ARHGAP15: variants seen among roughly 807,000 people sequenced by gnomAD.
The protein encoded by ARHGAP15 is Rho GTPase activating protein 15.
ARHGAP15 carries 51 observed loss-of-function variants against 63.7 expected under a neutral mutation model. The ratio of observed to expected loss-of-function variants is 0.80; its 90% CI spans 0.64 to 1.01. The LOEUF is 1.01. ARHGAP15 is among the 50% of genes least tolerant of loss of function. ARHGAP15 has a pLI of 0.00. For synonymous variants in ARHGAP15, 191 were observed against 193.8 expected, an observed-to-expected ratio of 0.99 and a Z score of 0.12; for missense variants, 560 against 564.6, an observed-to-expected ratio of 0.99 and a Z score of 0.08.
intron 6 of ARHGAP15, among the ~76,000 whole-genome samples, chr2:143,428,740 A>G (rs1297761213): frequency 1.3e-5 from 2 of 152,166 alleles, no homozygotes; most frequent in Non-Finnish European, 2.9e-5. Flanking sequence ...ATTTGAATTT[A>G]TTAAAACTTT....
intron 6 of ARHGAP15, among the ~76,000 whole-genome samples, chr2:143,415,060 A>C (rs1347452894): frequency 2.0e-5 from 3 of 152,354 alleles, no homozygotes; most frequent in Admixed American, 2.0e-4. Context: ...AGGATTTCAA[A>C]ATACAATATT....
At chr2:143,222,357 C>G (rs13027764) in intron 4 of ARHGAP15, among the ~76,000 whole-genome samples, 22,170 of 152,118 alleles carry the variant, frequency 0.15, 1,695 homozygotes, top group Middle Eastern at 0.24. Context: ...AATAAGAGAA[C>G]CTGAAATTTG....
rs1290920311 is a variant in ARHGAP15, at chr2:143,703,115, G to T, written c.1139-304G>T. On this transcript the variant is annotated intron_variant, in intron 12 of 13. Transcript: ENST00000295095. Reference sequence around the variant, plus strand: ...CACATTGTTGTTGCTTTCATGTTAAGATTATCTCACAGTACAGCCATTCTA... The same window carrying T: ...CACATTGTTGTTGCTTTCATGTTAATATTATCTCACAGTACAGCCATTCTA... Among the ~76,000 whole-genome samples the T allele has an allele frequency of 2.0e-5, 3 of 152,168 alleles. No homozygotes were observed. Among genetic ancestry groups the T allele is most frequent in the Non-Finnish European group, 4.4e-5 (3 of 68,026 alleles).
At chr2:143,157,429 T>C (rs546521180) in intron 2 of ARHGAP15, among the ~76,000 whole-genome samples, 1 of 151,938 alleles carries the variant, frequency 6.6e-6, no homozygotes, top group Admixed American at 6.6e-5. Context: ...TTACATAACT[T>C]TAGTTTGGGG....
intron 6 of ARHGAP15, among the ~76,000 whole-genome samples, chr2:143,265,244 C>A (rs143137365): frequency 3.4e-5 from 5 of 148,578 alleles, no homozygotes; most frequent in Non-Finnish European, 7.4e-5. Context: ...TTTAATAGAA[C>A]GACCCAACAG....
At chr2:143,256,467 A>C (rs1246540486) in intron 6 of ARHGAP15, among the ~76,000 whole-genome samples, 1 of 152,082 alleles carries the variant, frequency 6.6e-6, no homozygotes, top group Admixed American at 6.6e-5. Flanking sequence ...GCATTAATGT[A>C]ATATCCAATT....
chr2:143,593,444 C>A (rs1697395249), intron 11 of ARHGAP15: 1 of 152,104 alleles, frequency 6.6e-6, no homozygotes, highest in Non-Finnish European at 1.5e-5. Flanking sequence ...GATTGGCATT[C>A]ACATCTGGGA....
intron 9 of ARHGAP15, among the ~76,000 whole-genome samples, chr2:143,517,244 G>T (rs894215465): frequency 1.3e-5 from 2 of 152,118 alleles, no homozygotes; most frequent in Non-Finnish European, 2.9e-5. Flanking sequence ...ACCATGCCCG[G>T]CCTGGAGTAT....
chr2:143,424,079 G>A (rs970334092), intron 6 of ARHGAP15, among the ~76,000 whole-genome samples: 2 of 152,054 alleles, frequency 1.3e-5, no homozygotes, highest in South Asian at 2.1e-4. Flanking sequence ...ATGGTCTAGA[G>A]CAGCAGACTC....
chr2:143,187,124 A>G (rs1203179792), intron 2 of ARHGAP15, among the ~76,000 whole-genome samples: 3 of 152,200 alleles, frequency 2.0e-5, no homozygotes, highest in Non-Finnish European at 2.9e-5. Flanking sequence ...AGAAAGATAA[A>G]CATAGAGTTA....
At position 143,373,403 on chromosome 2, in the gene ARHGAP15, G is replaced by T. The variant is rs199771206; in HGVS notation, c.475-62198G>T. Among the ~76,000 whole-genome samples the T allele has an allele frequency of 9.9e-5, 15 of 152,212 alleles. No individual in the cohort carries two copies. In the East Asian group the frequency reaches 2.9e-3, roughly 29 times the overall value. On this transcript the variant is annotated intron_variant, in intron 6 of 13. Transcript: ENST00000295095. Reference sequence around the variant, plus strand: ...CCGAGCACTTTGGGAGGCCGAGGCAGGTGGATCACGAGGTCAGGAGATCGA... The same window carrying T: ...CCGAGCACTTTGGGAGGCCGAGGCATGTGGATCACGAGGTCAGGAGATCGA...
intron 4 of ARHGAP15, among the ~76,000 whole-genome samples, chr2:143,224,299 A>T (rs754354514): frequency 2.2e-4 from 33 of 152,354 alleles, no homozygotes; most frequent in African/African-American, 7.7e-4. Flanking sequence ...AGAAAGGAAA[A>T]GAAATTTTTC....
At chr2:143,394,339 ACT>A (rs967673706) in intron 6 of ARHGAP15, among the ~76,000 whole-genome samples, 1 of 151,988 alleles carries the variant, frequency 6.6e-6, no homozygotes, top group Non-Finnish European at 1.5e-5. Flanking sequence ...AACACAAATG[ACT>A]CTCTCCCTTG....
intron 12 of ARHGAP15, among the ~76,000 whole-genome samples, chr2:143,664,632 G>C (rs1442184635): frequency 1.6e-3 from 242 of 151,632 alleles, no homozygotes; most frequent in African/African-American, 5.4e-3. Context: ...TCCAGGAGCT[G>C]GTTTTTTGAA....
At chr2:143,693,635 G>C (rs1683712053) in intron 12 of ARHGAP15, among the ~76,000 whole-genome samples, 1 of 152,102 alleles carries the variant, frequency 6.6e-6, no homozygotes, top group African/African-American at 2.4e-5. Flanking sequence ...TCATTTTACT[G>C]ACTTGAACTC....
At chr2:143,631,887 G>A (rs1016935726) in intron 12 of ARHGAP15, among the ~76,000 whole-genome samples, 4 of 151,918 alleles carry the variant, frequency 2.6e-5, no homozygotes, top group South Asian at 2.1e-4. Context: ...TTCAACATCT[G>A]TTCTGTTGTT....
At chr2:143,595,655 T>G (rs1242077109) in intron 11 of ARHGAP15, among the ~76,000 whole-genome samples, 1 of 152,074 alleles carries the variant, frequency 6.6e-6, no homozygotes, top group Non-Finnish European at 1.5e-5. Flanking sequence ...TGAATAAATG[T>G]GTACATATTG....
At chr2:143,151,853 G>A (rs923726394) in intron 1 of ARHGAP15, among the ~76,000 whole-genome samples, 19 of 151,886 alleles carry the variant, frequency 1.3e-4, no homozygotes, top group South Asian at 8.3e-4. Flanking sequence ...GGTTCCTAAC[G>A]GGATGAATCA....
At chr2:143,245,967 C>T (rs191966383) in intron 5 of ARHGAP15, among the ~76,000 whole-genome samples, 8 of 151,880 alleles carry the variant, frequency 5.3e-5, no homozygotes, top group Admixed American at 5.2e-4. Flanking sequence ...GGCTGGAAGA[C>T]AAAGTGGGAA....
Sources: allele counts gnomAD v4.1 joint callset (sites outside exome capture counted in the v4.1 genomes callset), GRCh38; gene constraint gnomAD v4.1.1; transcripts MANE v1.5; gene names NCBI Gene and HGNC (gene_info 2026-07-23, HGNC 2026-07-21).